Variants in CDH7 observed in about 807,000 individuals in gnomAD.
CDH7 encodes the protein cadherin-7.
In CDH7, 25 loss-of-function variants were observed where a neutral mutation model predicts 71.8. That is an observed-to-expected ratio of 0.35 (90% CI 0.25 to 0.49). CDH7 has a LOEUF of 0.49. Among genes scored for constraint, CDH7 ranks in the 20% least tolerant of loss-of-function variants. The probability of loss-of-function intolerance (pLI) is 0.99; values close to 1 mark genes in which losing one functional copy is unlikely to be tolerated. For synonymous variants in CDH7, 381 were observed against 363.8 expected, an observed-to-expected ratio of 1.05 and a Z score of -0.54; for missense variants, 862 against 974.6, an observed-to-expected ratio of 0.88 and a Z score of 1.54.
intron 11 of CDH7, among the ~76,000 whole-genome samples, chr18:65,864,443 T>C (rs544975677): frequency 6.6e-6 from 1 of 151,804 alleles, no homozygotes; most frequent in South Asian, 2.1e-4. Context: ...TGTTAGTCTA[T>C]TTTATGTGTG....
chr18:65,832,929 G>A (rs890687582), intron 6 of CDH7, among the ~76,000 whole-genome samples: 1 of 151,882 alleles, frequency 6.6e-6, no homozygotes, highest in African/African-American at 2.4e-5. Flanking sequence ...TTACTATAGA[G>A]TAAAAAAAAT....
At chr18:65,848,056 C>T (rs1244766798) in intron 7 of CDH7, among the ~76,000 whole-genome samples, 1 of 151,896 alleles carries the variant, frequency 6.6e-6, no homozygotes, top group Non-Finnish European at 1.5e-5. Flanking sequence ...TTTATCATAT[C>T]ATGTAAATTT....
intron 6 of CDH7, among the ~76,000 whole-genome samples, chr18:65,830,696 C>CT: frequency 1.1e-5 from 1 of 91,370 alleles, no homozygotes. Context: ...TTTTCCTTCT[C>CT]TTTCTTTCTT....
chr18:65,846,056 G>A (rs1912923942), intron 7 of CDH7, among the ~76,000 whole-genome samples: 1 of 152,010 alleles, frequency 6.6e-6, no homozygotes, highest in South Asian at 2.1e-4. Flanking sequence ...TTCTGTTGAA[G>A]CCTTTCATAG....
At chr18:65,783,681 C>T (rs1007620913) in intron 2 of CDH7, among the ~76,000 whole-genome samples, 1 of 152,090 alleles carries the variant, frequency 6.6e-6, no homozygotes, top group Non-Finnish European at 1.5e-5. Flanking sequence ...ATGTAGGCTG[C>T]AATGGGGGTT....
rs916978414 is a variant in CDH7 at position 65,842,465 on chromosome 18, T to C, written c.982-1347T>C. 2.6e-5 allele frequency among the ~76,000 whole-genome samples: 4 copies of C among 151,938 alleles called. No homozygotes were observed. The East Asian group carries it at 7.7e-4, about 29-fold the overall frequency. On this transcript the variant is annotated intron_variant, in intron 6 of 11. Coordinates refer to ENST00000397968, the MANE Select transcript of CDH7 (RefSeq NM_004361.5). ...TCTTTAATATTTGTGTGCAAACATA[T>C]ATATACACATATGTAATGTGTATAC...
intron 2 of CDH7, among the ~76,000 whole-genome samples, chr18:65,791,279 C>A (rs1455455238): frequency 6.6e-6 from 1 of 152,152 alleles, no homozygotes; most frequent in Non-Finnish European, 1.5e-5. Flanking sequence ...TCGGTCAGCT[C>A]TTTGTGTATA....
chr18:65,781,819 C>CTTCTTTCTTTCTTTCTTTCT (rs1224080276), intron 2 of CDH7, among the ~76,000 whole-genome samples: 15 of 43,922 alleles, frequency 3.4e-4, no homozygotes, highest in Middle Eastern at 0.017. Flanking sequence ...TCCTTCCTTC[C>CTTCTTTCTTTCTTTCTTTCT]TTCTTTCTTT....
At position 65,862,521 on chromosome 18, in the gene CDH7, T is replaced by C. The variant is rs999789891; in HGVS notation, c.1613-145T>C. The C allele has an allele frequency of 4.0e-6, 3 of 746,484 alleles. No individual in the cohort carries two copies. In the African/African-American group the frequency reaches 5.3e-5, roughly 13 times the overall value. The allele number at this position is 746,484 out of a possible 1,614,324, so 46.2% of individuals were successfully genotyped here. ...GGAAATGTCCCTCTGTCCTAGAGAATTGAAAGAAAATTGTTGAAATAAATC... is the reference window on the plus strand; with the variant it reads ...GGAAATGTCCCTCTGTCCTAGAGAACTGAAAGAAAATTGTTGAAATAAATC... On this transcript the variant is annotated intron_variant, in intron 10 of 11. Coordinates refer to ENST00000397968, the MANE Select transcript of CDH7 (RefSeq NM_004361.5).
At chr18:65,765,563 G>A in intron 2 of CDH7, among the ~76,000 whole-genome samples, 1 of 151,402 alleles carries the variant, frequency 6.6e-6, no homozygotes, top group East Asian at 1.9e-4. Context: ...AGAAATGGCT[G>A]GGCAGATAAT....
At position 65,884,917 on chromosome 18, in the gene CDH7, T is replaced by C. The variant is rs1914329100; in HGVS notation, c.*4023T>C. On this transcript the variant is annotated 3_prime_UTR_variant, in exon 12 of 12. Transcript: ENST00000397968. ...AATCCAATTGAAGTTGATGAAAGCT[T>C]CAACTTATTTTTTAACTCTTTCTGG... 1 of 152,220 alleles carries C rather than the reference T, an allele frequency of 6.6e-6. No individual in the cohort carries two copies. Among genetic ancestry groups the C allele is most frequent in the Non-Finnish European group, 1.5e-5 (1 of 68,036 alleles). The allele number at this position is 152,220 out of a possible 1,614,324, so 9.4% of individuals were successfully genotyped here. A position where few individuals can be genotyped will look rare whatever the true frequency, so the allele number is the denominator to read the frequency against.
intron 2 of CDH7, among the ~76,000 whole-genome samples, chr18:65,781,818 CCT>C (rs765736071): frequency 1.6e-4 from 14 of 85,406 alleles, no homozygotes; most frequent in African/African-American, 9.8e-4. Flanking sequence ...TTCCTTCCTT[CCT>C]TCTTTCTTTC....
intron 2 of CDH7, among the ~76,000 whole-genome samples, chr18:65,791,262 CATTT>C (rs1160308231): frequency 6.6e-6 from 1 of 152,186 alleles, no homozygotes; most frequent in African/African-American, 2.4e-5. Flanking sequence ...CAATGTTACA[CATTT>C]AATCGGTCAG....
chr18:65,837,904 T>A (rs1238911596), intron 6 of CDH7, among the ~76,000 whole-genome samples: 1 of 150,464 alleles, frequency 6.6e-6, no homozygotes, highest in Non-Finnish European at 1.5e-5. Context: ...GGTAGTATGT[T>A]TATTTAGAGA....
chr18:65,821,101 A>G (rs1911907849), intron 4 of CDH7, among the ~76,000 whole-genome samples: 1 of 149,082 alleles, frequency 6.7e-6, no homozygotes, highest in African/African-American at 2.5e-5. Flanking sequence ...AAATAAAGAT[A>G]ATTAACAGCA....
chr18:65,855,352 G>GA (rs71167163), intron 7 of CDH7, among the ~76,000 whole-genome samples: 75,813 of 145,014 alleles, frequency 0.52, 22,960 homozygotes, highest in East Asian at 0.87. Context: ...ATTGACAAAG[G>GA]AAAAAAAAAA....
chr18:65,829,441 C>G (rs1466844985), intron 6 of CDH7, among the ~76,000 whole-genome samples: 1 of 142,512 alleles, frequency 7.0e-6, no homozygotes, highest in Non-Finnish European at 1.5e-5. Context: ...ATATCTGAAA[C>G]GTTGCTGTTT....
chr18:65,872,945 T>A (rs1026893821), intron 11 of CDH7, among the ~76,000 whole-genome samples: 1 of 151,442 alleles, frequency 6.6e-6, no homozygotes, highest in Non-Finnish European at 1.5e-5. Flanking sequence ...TAAAAAAATT[T>A]AAAAAACAGA....
chr18:65,781,861 T>C (rs1568181697), intron 2 of CDH7, among the ~76,000 whole-genome samples: 2 of 73,230 alleles, frequency 2.7e-5, no homozygotes, highest in African/African-American at 2.4e-4. Flanking sequence ...TTTCTTTCTT[T>C]CTTTCTCTCT....
Sources: gnomAD v4.1 joint callset for allele counts (sites outside exome capture counted in the v4.1 genomes callset) on GRCh38, gnomAD v4.1.1 for gene constraint, MANE v1.5 for transcripts, NCBI Gene and HGNC (gene_info 2026-07-23, HGNC 2026-07-21) for gene names.